Variants in GPC1 observed in about 807,000 individuals in gnomAD.
The protein encoded by GPC1 is glypican 1.
In GPC1, 26 loss-of-function variants were observed where a neutral mutation model predicts 51.5. The observed-to-expected ratio is 0.50, with a 90% CI of 0.37 to 0.70. The LOEUF (loss-of-function observed/expected upper bound fraction) is 0.70, where lower values mean the gene tolerates loss of function less well. GPC1 is among the 30% of genes least tolerant of loss of function. GPC1 has a pLI of 0.00. For missense variants in GPC1, 775 were observed against 800.5 expected (o/e 0.97, Z 0.38); for synonymous variants, 380 against 348.3 (o/e 1.09, Z -1.01).
At chr2:240,437,212 G>A (rs1177632470) in intron 1 of GPC1, among the ~76,000 whole-genome samples, 1 of 152,132 alleles carries the variant, frequency 6.6e-6, no homozygotes, top group Non-Finnish European at 1.5e-5. Flanking sequence ...AGAAGGATCC[G>A]TGCATCTGGG....
chr2:240,437,397 C>T (rs2073990893), intron 1 of GPC1, among the ~76,000 whole-genome samples: 1 of 151,964 alleles, frequency 6.6e-6, no homozygotes, highest in Non-Finnish European at 1.5e-5. Context: ...CTGACCGCCC[C>T]CCACAGAAGG....
intron 4 of GPC1, 115 bp downstream of exon 4, chr2:240,463,627 A>G: frequency 2.3e-6 from 2 of 872,488 alleles, no homozygotes; most frequent in South Asian, 1.6e-5. Context: ...CTGATCAGGG[A>G]TGCCCTGACC....
At chr2:240,451,331 C>G (rs1336004767) in intron 1 of GPC1, 2 of 456,812 alleles carry the variant, frequency 4.4e-6, no homozygotes, top group African/African-American at 4.0e-5. Flanking sequence ...TAGCGTGCCC[C>G]CTGTGGGTGT....
In GPC1 at chr2:240,448,497, G is replaced by T. The variant is rs2074068258; in HGVS notation, c.167-10533G>T. On this transcript the variant is annotated intron_variant, in intron 1 of 8. Transcript: ENST00000264039. The surrounding 1 kb of genome is among the most constrained non-coding windows in gnomAD (Gnocchi z 4.5). ...TGGAGTCAGGACTCCAGGTGCCTGGGGGTGGAACTCTGAGCCTCCGGCTCT... is the reference window on the plus strand; with the variant it reads ...TGGAGTCAGGACTCCAGGTGCCTGGTGGTGGAACTCTGAGCCTCCGGCTCT... Among the ~76,000 whole-genome samples the T allele has an allele frequency of 6.7e-6, 1 of 150,324 alleles. No individual in the cohort carries two copies. The highest frequency in any genetic ancestry group is 2.4e-5 in the African/African-American group (1 of 41,184).
intron 8 of GPC1, 41 bp from the exon 9 acceptor site, chr2:240,466,017 C>T (rs745995123): frequency 2.3e-6 from 3 of 1,332,930 alleles, no homozygotes; most frequent in African/African-American, 1.4e-5. Context: ...ACTGGGGTCT[C>T]CTGTGGGGAC....
At chr2:240,449,634 G>A (rs1361379520) in intron 1 of GPC1, 8 of 318,690 alleles carry the variant, frequency 2.5e-5, no homozygotes, top group South Asian at 2.6e-5. Flanking sequence ...TTGTGCGGCC[G>A]TCACCCCCAT....
chr2:240,463,488 G>A lies in GPC1; in HGVS notation c.859G>A (p.Asp287Asn), dbSNP rs746361353. The change falls in exon 4 of 9, where the codon GAC becomes AAC. Residue 287 changes from aspartate (D) to asparagine (N), a missense_variant. By Grantham distance (23) the Asp-to-Asn change is conservative. Transcript: ENST00000264039. Reference sequence around the variant, plus strand: ...CTGCCTTGCCAACCAGGCCGACCTGGACGCCGAGTGGAGGAACCTCCTGGG... The same window carrying A: ...CTGCCTTGCCAACCAGGCCGACCTGAACGCCGAGTGGAGGAACCTCCTGGG... ...KGCLANQADL[D>N]AEWRNLLDSM... 1 of 1,612,966 alleles carries A rather than the reference G, an allele frequency of 6.2e-7. No homozygotes were observed. The highest frequency in any genetic ancestry group is 1.1e-5 in the South Asian group (1 of 91,078).
Position 240,462,336 on chromosome 2 carries a change from G to A in GPC1, c.471G>A (p.Leu157=). Residue 157 remains leucine, a synonymous_variant, in exon 3 of 9, where the codon CTG becomes CTA. Transcript: ENST00000264039. ...ELRLYYRGAN[L]HLEETLAEFW... is the part of the protein sequence containing the mutation. ...GCCTGTACTACCGCGGTGCCAACCTGCACCTGGAGGAGACGCTGGCCGAGT... is the reference window on the plus strand; with the variant it reads ...GCCTGTACTACCGCGGTGCCAACCTACACCTGGAGGAGACGCTGGCCGAGT... The A allele has an allele frequency of 6.2e-7, 1 of 1,602,850 alleles. No individual in the cohort carries two copies. The highest frequency in any genetic ancestry group is 8.5e-7 in the Non-Finnish European group (1 of 1,175,450).
chr2:240,457,706 C>A (rs1013575672), intron 1 of GPC1, among the ~76,000 whole-genome samples: 1 of 152,168 alleles, frequency 6.6e-6, no homozygotes, highest in South Asian at 2.1e-4. Context: ...CCGGGCTGAC[C>A]CCGCCCTCGG....
intron 1 of GPC1, among the ~76,000 whole-genome samples, chr2:240,445,155 G>A (rs931567776): frequency 5.3e-5 from 8 of 152,204 alleles, no homozygotes; most frequent in African/African-American, 1.9e-4. Flanking sequence ...AGCATCTTCA[G>A]TCTCCCTCCT....
At chr2:240,441,877 G>A (rs2151785856) in intron 1 of GPC1, among the ~76,000 whole-genome samples, 1 of 152,342 alleles carries the variant, frequency 6.6e-6, no homozygotes, top group East Asian at 1.9e-4. Flanking sequence ...GGGCTATGCT[G>A]AGGAGCAGGG....
chr2:240,436,107 G>A, intron 1 of GPC1, 23 bp downstream of exon 1: 1 of 1,266,178 alleles, frequency 7.9e-7, no homozygotes, highest in Non-Finnish European at 9.9e-7. Context: ...GCGGCGCCGG[G>A]AACCCGGGCC....
chr2:240,457,312 A>C (rs966205680), intron 1 of GPC1: 23 of 424,198 alleles, frequency 5.4e-5, no homozygotes, highest in Middle Eastern at 9.0e-4. Flanking sequence ...CTGTCATGTC[A>C]GCAGGCACAG....
rs1391433161 is a variant in GPC1 at position 240,467,885 on chromosome 2, C to G, written c.*1595C>G. 6.6e-6 allele frequency: 1 copy of G among 152,292 alleles called. No homozygotes were observed. Among genetic ancestry groups the G allele is most frequent in the East Asian group, 1.9e-4 (1 of 5,188 alleles). 9.4% of individuals were successfully genotyped at this position (152,292 alleles called of 1,614,324 possible). The stretch of plus-strand genomic sequence containing the variant: ...AGGACAGCAGCACTCCCGCTGCACA[C>G]AGACGGCCTAGGGGTGGCGCTCAGA... On this transcript the variant is annotated 3_prime_UTR_variant, in exon 9 of 9. Transcript: ENST00000264039.
intron 1 of GPC1, among the ~76,000 whole-genome samples, chr2:240,444,155 C>T (rs1157507258): frequency 6.6e-6 from 1 of 152,036 alleles, no homozygotes; most frequent in African/African-American, 2.4e-5. Context: ...CGCAGGAGGG[C>T]CCGGCCAGCC....
chr2:240,462,686 T>G, intron 3 of GPC1, 104 bp downstream of exon 3: 2 of 1,088,608 alleles, frequency 1.8e-6, no homozygotes, highest in Non-Finnish European at 2.6e-6. Flanking sequence ...CCTGGGCCTC[T>G]GGGCCAGCCT....
Position 240,466,072 on chromosome 2 carries a change from G to A in GPC1, c.1459G>A (p.Gly487Ser), listed in dbSNP as rs753803107. 17 of 1,610,160 alleles carry A rather than the reference G, an allele frequency of 1.1e-5. No individual in the cohort carries two copies. The highest frequency in any genetic ancestry group is 8.9e-5 in the East Asian group (4 of 44,840). Residue 487 changes from glycine (G) to serine (S), a missense_variant, in exon 9 of 9, where the codon GGC becomes AGC. Transcript: ENST00000264039. The stretch of plus-strand genomic sequence containing the variant: ...CTCCTTCCCAGGTGACGACGGCAGC[G>A]GCTCGGGCAGCGGTGATGGCTGTCT... Reference protein sequence around the residue: ...DFQDASDDGSGSGSGDGCLDD... With the variant: ...DFQDASDDGSSSGSGDGCLDD...
chr2:240,465,428 C>T (rs2074252385), intron 7 of GPC1, 45 bp from the exon 8 acceptor site: 1 of 1,578,974 alleles, frequency 6.3e-7, no homozygotes, highest in East Asian at 2.2e-5. Flanking sequence ...TGGCCCTTTG[C>T]AGGGGCTGGA....
intron 1 of GPC1, chr2:240,452,330 G>C (rs966302287): frequency 6.5e-6 from 1 of 152,672 alleles, no homozygotes; most frequent in Non-Finnish European, 1.5e-5. Context: ...GGGCAGGGGG[G>C]TCTGGAGTCA....
Sources: gnomAD v4.1 joint callset for allele counts (sites outside exome capture counted in the v4.1 genomes callset) on GRCh38, gnomAD v4.1.1 for gene constraint, Gnocchi (gnomAD v3.1) non-coding constraint, MANE v1.5 for transcripts, NCBI Gene and HGNC (gene_info 2026-07-23, HGNC 2026-07-21) for gene names.